PLEC: variants seen among roughly 807,000 people sequenced by gnomAD.
PLEC encodes the protein hemidesmosomal protein 1.
Under a neutral mutation model 392.8 loss-of-function variants are expected in PLEC, and 216 were observed. That is an observed-to-expected ratio of 0.55 (90% CI 0.49 to 0.62). PLEC has a LOEUF of 0.62. Ranked by LOEUF, PLEC falls within the 20% of genes least tolerant of loss-of-function variation. The pLI is 0.00. For missense variants in PLEC, 6,863 were observed against 6,563.4 expected, an observed-to-expected ratio of 1.05 and a Z score of -1.58; for synonymous variants, 3,621 against 2,980.6, an observed-to-expected ratio of 1.21 and a Z score of -7.00.
chr8:143,942,243 G>A, upstream of PLEC: 2 of 858,254 alleles, frequency 2.3e-6, no homozygotes, highest in African/African-American at 1.7e-5. Context: ...TCCTCCCCAG[G>A]TGTTTCCGGA....
upstream of PLEC, among the ~76,000 whole-genome samples, chr8:143,941,796 C>G (rs951917128): frequency 6.6e-6 from 1 of 151,938 alleles, no homozygotes; most frequent in South Asian, 2.1e-4. Context: ...CCACCTGGGA[C>G]GCACCCAGAA....
chr8:143,920,270 G>C lies in PLEC; in HGVS notation c.9551C>G (p.Pro3184Arg), dbSNP rs782589164. 2 of 1,596,694 alleles carry C rather than the reference G, an allele frequency of 1.3e-6. No individual in the cohort carries two copies. Among genetic ancestry groups the C allele is most frequent in the Non-Finnish European group, 1.7e-6 (2 of 1,177,198 alleles). Residue 3184 changes from proline to arginine, a missense_variant, in exon 32 of 32, where the codon CCC (proline) becomes CGC (arginine). By Grantham distance (103) the Pro-to-Arg change is moderately radical. Transcript: ENST00000345136. ...PRADAKAYSDPSTGEPATYGE... is the reference protein window; with the variant it reads ...PRADAKAYSDRSTGEPATYGE... ...GTAGGTGGCCGGCTCCCCTGTGCTG[G>C]GGTCACTGTAGGCCTTGGCGTCGGC... is the stretch of plus-strand genomic sequence containing the variant.
rs782477132 is a variant in PLEC at position 143,930,056 on chromosome 8, C to T, written c.2619G>A (p.Glu873=). ...QEAQEAVTRL[E]AQHQALVTLW... ...GCGTGACCAGGGCCTGGTGCTGGGC[C>T]TCCAGCCTGGCAGGTCAGGGCTACA... is the stretch of plus-strand genomic sequence containing the variant. Residue 873 remains glutamate, a synonymous_variant, in exon 22 of 32, where the codon GAG becomes GAA. Transcript: ENST00000345136. 6.2e-7 allele frequency: 1 copy of T among 1,610,970 alleles called. No homozygotes were observed. Among genetic ancestry groups the T allele is most frequent in the Non-Finnish European group, 8.5e-7 (1 of 1,179,778 alleles).
upstream of PLEC, among the ~76,000 whole-genome samples, chr8:143,941,460 C>G (rs1252485360): frequency 2.0e-5 from 3 of 152,080 alleles, no homozygotes; most frequent in African/African-American, 7.2e-5. Flanking sequence ...AGGGAAGGGG[C>G]ACGGTGGGGA....
chr8:143,953,874 T>C (rs1178904699), upstream of PLEC: 20 of 1,550,540 alleles, frequency 1.3e-5, no homozygotes, highest in Admixed American at 3.6e-4. Context: ...AGCCCGGAGG[T>C]CCGGGGCAGG....
At chr8:143,973,786 G>C (rs1554745184), upstream of PLEC, among the ~76,000 whole-genome samples, 1 of 151,642 alleles carries the variant, frequency 6.6e-6, no homozygotes, top group East Asian at 2.0e-4. The surrounding 1 kb of genome is among the most constrained non-coding windows in gnomAD (Gnocchi z 5.6). Flanking sequence ...CCCCGCCCAG[G>C]GGCGGCCGCG....
chr8:143,944,873 C>T (rs948081721), intron 1 of PLEC: 87 of 491,500 alleles, frequency 1.8e-4, no homozygotes, highest in Middle Eastern at 1.0e-3. Flanking sequence ...GCGCAAGGAC[C>T]GTCACCACCC....
In PLEC at chr8:143,969,374, C is replaced by A. The variant is rs535469523; in HGVS notation, c.70+4029G>T. 2.6e-5 allele frequency among the ~76,000 whole-genome samples: 4 copies of A among 152,342 alleles called. No individual in the cohort carries two copies. Among genetic ancestry groups the A allele is most frequent in the African/African-American group, 9.6e-5 (4 of 41,586 alleles). ...GGGCTGAGGCTACTGCAGCCTGTGG[C>A]AGGAGAGCTCTGGGCACCCTATGGG... On this transcript the variant is annotated intron_variant, in intron 1 of 31. Transcript: ENST00000356346. This position sits in a 1 kb window ranked among gnomAD's most constrained non-coding sequence, Gnocchi z 5.1.
upstream of PLEC, chr8:143,942,499 C>G: frequency 6.3e-7 from 1 of 1,581,314 alleles, no homozygotes; most frequent in Admixed American, 1.7e-5. Flanking sequence ...GGCAAAGGCG[C>G]CCCCCGCCCC....
chr8:143,975,567 C>T (rs1833632662), upstream of PLEC, among the ~76,000 whole-genome samples: 1 of 151,870 alleles, frequency 6.6e-6, no homozygotes, highest in African/African-American at 2.4e-5. This position sits in a 1 kb window ranked among gnomAD's most constrained non-coding sequence, Gnocchi z 9.9. Context: ...GCCCCAGGCA[C>T]TGACTTACCC....
upstream of PLEC, chr8:143,944,587 TG>T: frequency 9.3e-7 from 1 of 1,076,834 alleles, no homozygotes; most frequent in Non-Finnish European, 1.3e-6. Context: ...CCCAGCCCTC[TG>T]GCCCCTGTCC....
chr8:143,943,675 T>C, upstream of PLEC: 1 of 1,107,176 alleles, frequency 9.0e-7, no homozygotes, highest in Non-Finnish European at 1.3e-6. Context: ...TCACTGACAT[T>C]CAGCTTGGAA....
At chr8:143,935,742 C>T in intron 6 of PLEC, 106 bp downstream of exon 6, 2 of 1,282,618 alleles carry the variant, frequency 1.6e-6, no homozygotes, top group Non-Finnish European at 2.2e-6. Context: ...GCACTCATCC[C>T]TGTTCCTCCT....
chr8:143,916,801 C>CAGGCCCT lies in PLEC; in HGVS notation c.13013_13019dup (p.Val4341GlyfsTer89). 6.2e-7 allele frequency: 1 copy of CAGGCCCT among 1,613,222 alleles called. No individual in the cohort carries two copies. The highest frequency in any genetic ancestry group is 8.5e-7 in the Non-Finnish European group (1 of 1,179,960). On this transcript the variant is annotated frameshift_variant, in exon 32 of 32. Transcript: ENST00000345136. LOFTEE classifies it high-confidence loss of function. ...TGCGGTCCACCATGATCTTGTCCAC[C>CAGGCCCT]AGGCCCTTGTTGACGGCGTCGGTGA...
rs952511511 is a variant in PLEC, at chr8:143,944,853, C to T, written c.523+5331G>A. ...CAGGGGCCCAGGGGATATAAATATC[C>T]GAGGAGGGCGCGCAAGGACCGTCAC... On this transcript the variant is annotated intron_variant, in intron 1 of 31. Transcript: ENST00000322810. The T allele has an allele frequency of 2.4e-5, 13 of 538,554 alleles. No homozygotes were observed. In the East Asian group the frequency reaches 4.2e-4, roughly 17 times the overall value. 33.4% of individuals were successfully genotyped at this position (538,554 alleles called of 1,614,324 possible). A position where few individuals can be genotyped will look rare whatever the true frequency, so the allele number is the denominator to read the frequency against.
At position 143,934,673 on chromosome 8, in the gene PLEC, C is replaced by T. The variant is rs367862127; in HGVS notation, c.1003G>A (p.Asp335Asn). The change falls in exon 10 of 32, where the codon GAC (aspartate) becomes AAC (asparagine). Residue 335 changes from aspartate (D) to asparagine (N), a missense_variant. Coordinates refer to ENST00000345136, the MANE Select transcript of PLEC (RefSeq NM_201384.3). ...TAGATGCCCTTGGACCTGTTCTTGT[C>T]GGCCTCCTTGGCTGGTAGCTCCATC... ...KEMELPAKEA[D>N]KNRSKGIYQS... 9.9e-6 allele frequency: 16 copies of T among 1,613,006 alleles called. No individual in the cohort carries two copies. Among genetic ancestry groups the T allele is most frequent in the South Asian group, 3.3e-5 (3 of 91,086 alleles).
Position 143,973,272 on chromosome 8 carries a change from A to G in PLEC, c.70+131T>C. On this transcript the variant is annotated intron_variant, in intron 1 of 31. Coordinates refer to the PLEC transcript ENST00000356346. This position sits in a 1 kb window ranked among gnomAD's most constrained non-coding sequence, Gnocchi z 5.6. ...TAGGCACTGGCAGCCGTTGGGGGCG[A>G]TCCAGGCGGACGAGGCCGGCGGAGT... is the stretch of plus-strand genomic sequence containing the variant. 2 of 1,069,278 alleles carry G rather than the reference A, an allele frequency of 1.9e-6. No individual in the cohort carries two copies. The highest frequency in any genetic ancestry group is 2.6e-6 in the Non-Finnish European group (2 of 774,292). The allele number at this position is 1,069,278 out of a possible 1,614,324, so 66.2% of individuals were successfully genotyped here. A position where few individuals can be genotyped will look rare whatever the true frequency, so the allele number is the denominator to read the frequency against.
intron 1 of PLEC, among the ~76,000 whole-genome samples, chr8:143,948,428 C>T (rs967831254): frequency 2.6e-5 from 4 of 152,346 alleles, no homozygotes; most frequent in African/African-American, 7.2e-5. Flanking sequence ...CAGGGCCATC[C>T]GGACCCCTGT....
chr8:143,923,962 G>A lies in PLEC; in HGVS notation c.5967C>T (p.Arg1989=), dbSNP rs782366951. 2.3e-5 allele frequency: 37 copies of A among 1,591,450 alleles called. No homozygotes were observed. The highest frequency in any genetic ancestry group is 2.0e-4 in the Admixed American group (12 of 59,426). Residue 1989 remains arginine (R), a synonymous_variant, in exon 31 of 32, where the codon CGC becomes CGT. Transcript: ENST00000345136. Reference sequence around the variant, plus strand: ...CCTCGGCCGCCAGGCTCTTCTGCACGCGCTCCTCAGCCTCACGGCGCCGCC... The same window carrying A: ...CCTCGGCCGCCAGGCTCTTCTGCACACGCTCCTCAGCCTCACGGCGCCGCC... ...EERRRREAEE[R]VQKSLAAEEE...
Sources: gnomAD v4.1 joint callset for allele counts (sites outside exome capture counted in the v4.1 genomes callset) on GRCh38, gnomAD v4.1.1 for gene constraint, Gnocchi (gnomAD v3.1) non-coding constraint, MANE v1.5 for transcripts, NCBI Gene and HGNC (gene_info 2026-07-23, HGNC 2026-07-21) for gene names.